Variants in ASTN1 observed in about 807,000 individuals in gnomAD.
ASTN1 encodes the protein astrotactin-1.
ASTN1 carries 41 observed loss-of-function variants against 140.7 expected under a neutral mutation model. The observed-to-expected ratio is 0.29, with a 90% CI of 0.23 to 0.38. ASTN1 has a LOEUF of 0.38. ASTN1 is among the 10% of genes least tolerant of loss of function. ASTN1 has a pLI of 1.00. For synonymous variants in ASTN1, 640 were observed against 652.2 expected (o/e 0.98, Z 0.29); for missense variants, 1,479 against 1,678.8 (o/e 0.88, Z 2.08).
intron 4 of ASTN1, 29 bp from the exon 5 acceptor site, chr1:177,029,770 G>C (rs1676329608): frequency 6.3e-7 from 1 of 1,585,030 alleles, no homozygotes; most frequent in Non-Finnish European, 8.6e-7. Context: ...GGTCAAGAAA[G>C]CGTTTTCAGT....
intron 16 of ASTN1, among the ~76,000 whole-genome samples, chr1:176,898,653 C>T (rs1347748166): frequency 1.3e-5 from 2 of 152,162 alleles, no homozygotes; most frequent in Non-Finnish European, 2.9e-5. Context: ...TTGACCGTTG[C>T]TTTTAACTCC....
chr1:177,049,623 C>T (rs563153346), intron 2 of ASTN1, among the ~76,000 whole-genome samples: 1 of 152,304 alleles, frequency 6.6e-6, no homozygotes, highest in South Asian at 2.1e-4. Flanking sequence ...TCAAAGCTTC[C>T]TGACTTCAAA....
chr1:177,020,876 T>C (rs984576225), intron 7 of ASTN1, among the ~76,000 whole-genome samples: 7 of 152,152 alleles, frequency 4.6e-5, no homozygotes, highest in Non-Finnish European at 7.4e-5. Context: ...TGTGTGTGTG[T>C]AAAAGTACAC....
intron 1 of ASTN1, among the ~76,000 whole-genome samples, chr1:177,066,370 GTCACA>G (rs1678354638): frequency 2.0e-5 from 3 of 152,222 alleles, no homozygotes; most frequent in Non-Finnish European, 2.9e-5. Context: ...GGCAGGGAAA[GTCACA>G]GCAGAGAATA....
intron 8 of ASTN1, among the ~76,000 whole-genome samples, chr1:176,997,392 C>T (rs1340644442): frequency 6.6e-6 from 1 of 152,124 alleles, no homozygotes; most frequent in African/African-American, 2.4e-5. Flanking sequence ...GTTCTGCTGG[C>T]TTGGTTCCCT....
intron 1 of ASTN1, among the ~76,000 whole-genome samples, chr1:177,146,415 T>C (rs1464891677): frequency 7.2e-5 from 11 of 152,214 alleles, no homozygotes; most frequent in African/African-American, 2.7e-4. Context: ...ACAGAAGTCA[T>C]ACACTGAATA....
intron 14 of ASTN1, among the ~76,000 whole-genome samples, chr1:176,942,822 A>ATG (rs1671782233): frequency 2.8e-4 from 6 of 21,632 alleles, no homozygotes; most frequent in Admixed American, 7.1e-4. Flanking sequence ...GTGTGTGTGT[A>ATG]TATATATATA....
At chr1:176,922,710 C>T (rs1670788863) in intron 16 of ASTN1, among the ~76,000 whole-genome samples, 1 of 151,996 alleles carries the variant, frequency 6.6e-6, no homozygotes, top group African/African-American at 2.4e-5. Flanking sequence ...GAGGTTTGAC[C>T]CTGCTGTTCC....
At chr1:176,873,887 A>G (rs1278860495) in intron 21 of ASTN1, among the ~76,000 whole-genome samples, 1 of 152,078 alleles carries the variant, frequency 6.6e-6, no homozygotes, top group Non-Finnish European at 1.5e-5. Context: ...GCTTGGGTTG[A>G]CCCGAAGGAG....
At chr1:176,955,598 T>C (rs569423942) in intron 11 of ASTN1, among the ~76,000 whole-genome samples, 2 of 152,244 alleles carry the variant, frequency 1.3e-5, no homozygotes, top group Non-Finnish European at 2.9e-5. Context: ...AATTCTAAAA[T>C]GCAGCAGCCT....
intron 7 of ASTN1, among the ~76,000 whole-genome samples, chr1:177,019,240 T>C (rs1177499850): frequency 6.6e-6 from 1 of 152,196 alleles, no homozygotes; most frequent in Non-Finnish European, 1.5e-5. Context: ...ATCTACTTCA[T>C]AGTGTTACAG....
intron 2 of ASTN1, among the ~76,000 whole-genome samples, chr1:177,038,590 A>T (rs927024162): frequency 2.0e-5 from 3 of 152,196 alleles, no homozygotes; most frequent in African/African-American, 7.2e-5. Context: ...CAATATGGTC[A>T]TCTTCTCTGT....
At chr1:177,000,885 T>A (rs1033669477) in intron 8 of ASTN1, among the ~76,000 whole-genome samples, 2 of 152,148 alleles carry the variant, frequency 1.3e-5, no homozygotes, top group African/African-American at 4.8e-5. Context: ...CTACAATGGG[T>A]GGCAGATTGG....
At chr1:176,960,012 A>T (rs1402805682) in intron 9 of ASTN1, among the ~76,000 whole-genome samples, 1 of 152,090 alleles carries the variant, frequency 6.6e-6, no homozygotes, top group African/African-American at 2.4e-5. Flanking sequence ...TGGAAGCATG[A>T]CAGCCCCTTC....
intron 1 of ASTN1, among the ~76,000 whole-genome samples, chr1:177,157,871 T>C (rs1683307076): frequency 1.3e-5 from 2 of 152,330 alleles, no homozygotes; most frequent in Non-Finnish European, 2.9e-5. Flanking sequence ...TTTTTTCAGC[T>C]ATTTTCTTAT....
Position 177,023,552 on chromosome 1 carries a change from C to T in ASTN1, c.1290G>A (p.Leu430=). 1 of 1,598,196 alleles carries T rather than the reference C, an allele frequency of 6.3e-7. No individual in the cohort carries two copies. Among genetic ancestry groups the T allele is most frequent in the Non-Finnish European group, 8.5e-7 (1 of 1,174,652 alleles). Residue 430 remains leucine (L), a synonymous_variant, in exon 7 of 23, where the codon CTG becomes CTA. Coordinates refer to ENST00000361833, the MANE Select transcript of ASTN1 (RefSeq NM_004319.3). The stretch of plus-strand genomic sequence containing the variant: ...CACTGGCATCCAGCTGGCTCCCCTC[C>T]AGCAAGATGAAGCGGCTCCCTGCAG... ...LIADGSRFIL[L]EGSQLDASDW...
In ASTN1 at chr1:176,882,922, G is replaced by A. The variant is rs151046732; in HGVS notation, c.3299C>T (p.Pro1100Leu). 28 of 1,614,096 alleles carry A rather than the reference G, an allele frequency of 1.7e-5. No homozygotes were observed. The African/African-American group carries it at 2.0e-4, about 12-fold the overall frequency. Residue 1100 changes from proline to leucine, a missense_variant, in exon 20 of 23, where the codon CCG becomes CTG. Around this residue, in one of 3 missense-constraint regions of ASTN1, gnomAD observed 746 missense variants for 800.9 expected, o/e 0.93. Transcript: ENST00000361833. Reference protein sequence around the residue: ...KSPCAMPSQVPDKQLTTISLI... With the variant: ...KSPCAMPSQVLDKQLTTISLI... The stretch of plus-strand genomic sequence containing the variant: ...AGAGATGGTGGTGAGCTGCTTGTCC[G>A]GCACCTGAGATGGCATTGCACAAGG...
At chr1:177,030,736 G>T in intron 4 of ASTN1, 70 bp downstream of exon 4, 1 of 1,586,094 alleles carries the variant, frequency 6.3e-7, no homozygotes, top group Non-Finnish European at 8.6e-7. Flanking sequence ...ATGGGTAGAA[G>T]ATATTAATGG....
At chr1:176,986,284 C>A (rs1293212258) in intron 8 of ASTN1, among the ~76,000 whole-genome samples, 3 of 152,262 alleles carry the variant, frequency 2.0e-5, no homozygotes, top group African/African-American at 7.2e-5. Flanking sequence ...AATAAGAAAT[C>A]ACTACTTTAA....
Sources: gnomAD v4.1 joint callset for allele counts (sites outside exome capture counted in the v4.1 genomes callset) on GRCh38, gnomAD v4.1.1 for gene constraint, gnomAD v4.1.1 regional missense constraint, MANE v1.5 for transcripts, NCBI Gene and HGNC (gene_info 2026-07-23, HGNC 2026-07-21) for gene names.